LPP: variants seen among roughly 807,000 people sequenced by gnomAD.
LPP encodes the protein LIM domain containing preferred translocation partner in lipoma.
A neutral mutation model predicts 60.4 loss-of-function variants in LPP; 38 were observed. The observed-to-expected ratio is 0.63, with a 90% CI of 0.49 to 0.83. LPP has a LOEUF of 0.83. Ranked by LOEUF, LPP falls within the 40% of genes least tolerant of loss-of-function variation. LPP has a pLI of 0.00. For synonymous variants in LPP, 328 were observed against 290.8 expected, an observed-to-expected ratio of 1.13 and a Z score of -1.30; for missense variants, 902 against 783.6, an observed-to-expected ratio of 1.15 and a Z score of -1.80.
chr3:188,244,715 C>CCT (rs986286652), intron 2 of LPP, among the ~76,000 whole-genome samples: 1 of 151,716 alleles, frequency 6.6e-6, no homozygotes, highest in Non-Finnish European at 1.5e-5. Flanking sequence ...ATAATCTACC[C>CCT]CTCTCTCTCT....
intron 6 of LPP, among the ~76,000 whole-genome samples, chr3:188,552,898 G>A (rs55811267): frequency 6.6e-6 from 1 of 152,182 alleles, no homozygotes; most frequent in Non-Finnish European, 1.5e-5. Flanking sequence ...TCTTGGCGGG[G>A]TGGGGAGGGC....
chr3:188,251,160 G>A (rs1446891121), intron 2 of LPP, among the ~76,000 whole-genome samples: 1 of 143,322 alleles, frequency 7.0e-6, no homozygotes, highest in Non-Finnish European at 1.5e-5. Context: ...CAAGATTTCT[G>A]TTTCAATCTT....
chr3:188,186,480 C>T (rs1726631457), intron 1 of LPP, among the ~76,000 whole-genome samples: 1 of 152,150 alleles, frequency 6.6e-6, no homozygotes, highest in Non-Finnish European at 1.5e-5. Flanking sequence ...AAAAGAGTGA[C>T]ATCTTGTAAT....
chr3:188,597,508 C>T (rs1411767663), intron 6 of LPP, among the ~76,000 whole-genome samples: 3 of 152,060 alleles, frequency 2.0e-5, no homozygotes, highest in Non-Finnish European at 4.4e-5. Flanking sequence ...GGTTCTATTA[C>T]AGTAGTTGAT....
At chr3:188,747,203 A>G (rs144310714) in intron 8 of LPP, among the ~76,000 whole-genome samples, 13 of 152,266 alleles carry the variant, frequency 8.5e-5, no homozygotes, top group African/African-American at 3.1e-4. Flanking sequence ...AATGCTTTCC[A>G]TGCCTTTCTT....
Position 188,638,908 on chromosome 3 carries a change from A to C in LPP, c.1113+29064A>C, listed in dbSNP as rs1044450239. On this transcript the variant is annotated intron_variant, in intron 7 of 11. Transcript: ENST00000617246. ...AGAACATTCCATGCTCATGGATAAGAAGAATCAATATTGTGAAAATGGCCA... is the reference window on the plus strand; with the variant it reads ...AGAACATTCCATGCTCATGGATAAGCAGAATCAATATTGTGAAAATGGCCA... 2.8e-3 allele frequency among the ~76,000 whole-genome samples: 428 copies of C among 152,298 alleles called. 2 individuals carry two copies. Among genetic ancestry groups the C allele is most frequent in the African/African-American group, 9.5e-3 (396 of 41,552 alleles).
chr3:188,494,828 CT>C (rs1374279539), intron 5 of LPP, among the ~76,000 whole-genome samples: 1 of 151,800 alleles, frequency 6.6e-6, no homozygotes, highest in East Asian at 1.9e-4. Flanking sequence ...CACTTAAATC[CT>C]CTGTAAAATG....
At chr3:188,475,379 G>C (rs557758342) in intron 4 of LPP, among the ~76,000 whole-genome samples, 1 of 152,316 alleles carries the variant, frequency 6.6e-6, no homozygotes, top group African/African-American at 2.4e-5. Context: ...CGCTGGGTTT[G>C]AGTAGATTCT....
chr3:188,828,065 C>T (rs1174229782), intron 9 of LPP, among the ~76,000 whole-genome samples: 3 of 152,024 alleles, frequency 2.0e-5, no homozygotes, highest in African/African-American at 7.3e-5. Flanking sequence ...TATTATTGAG[C>T]ACATACTGTG....
At chr3:188,214,753 G>A (rs1712823070) in intron 1 of LPP, among the ~76,000 whole-genome samples, 1 of 152,136 alleles carries the variant, frequency 6.6e-6, no homozygotes, top group East Asian at 1.9e-4. Flanking sequence ...AAGAAGGAAA[G>A]CCTGGGGTGT....
At chr3:188,582,844 C>A (rs577429114) in intron 6 of LPP, among the ~76,000 whole-genome samples, 1 of 152,278 alleles carries the variant, frequency 6.6e-6, no homozygotes, top group East Asian at 1.9e-4. Flanking sequence ...CTCTCTTTCC[C>A]TTATTATCAA....
chr3:188,400,348 G>A (rs1279135318), intron 3 of LPP, among the ~76,000 whole-genome samples: 1 of 152,162 alleles, frequency 6.6e-6, no homozygotes, highest in Non-Finnish European at 1.5e-5. Flanking sequence ...ATATCCTTGA[G>A]CAAGTTATTC....
At chr3:188,392,884 C>T (rs1349004303) in intron 3 of LPP, among the ~76,000 whole-genome samples, 2 of 152,094 alleles carry the variant, frequency 1.3e-5, no homozygotes, top group African/African-American at 2.4e-5. Context: ...TGAAACATTC[C>T]GAAATGTTGA....
intron 4 of LPP, among the ~76,000 whole-genome samples, chr3:188,407,780 G>GTTTTTTTTTTTTTTTT (rs1268002703): frequency 4.2e-5 from 4 of 94,898 alleles, no homozygotes; most frequent in African/African-American, 4.2e-5. Flanking sequence ...TTTTTTTTTT[G>GTTTTTTTTTTTTTTTT]TTTGTTTGTT....
At chr3:188,218,519 C>T (rs1008812748) in intron 1 of LPP, among the ~76,000 whole-genome samples, 1 of 152,240 alleles carries the variant, frequency 6.6e-6, no homozygotes, top group Non-Finnish European at 1.5e-5. Flanking sequence ...GAGGCTTTCT[C>T]ATGCGCCCCT....
chr3:188,249,913 TC>T (rs1728542747), intron 2 of LPP, among the ~76,000 whole-genome samples: 2 of 141,722 alleles, frequency 1.4e-5, no homozygotes, highest in African/African-American at 2.7e-5. Flanking sequence ...TTTTTTTTTT[TC>T]CAGAAGTATT....
intron 6 of LPP, among the ~76,000 whole-genome samples, chr3:188,575,802 G>A (rs1834482804): frequency 6.6e-6 from 1 of 152,110 alleles, no homozygotes; most frequent in African/African-American, 2.4e-5. Flanking sequence ...GCTGAGAAAT[G>A]GGTTCTCACC....
At chr3:188,805,244 T>G (rs1243874052) in intron 9 of LPP, among the ~76,000 whole-genome samples, 1 of 152,072 alleles carries the variant, frequency 6.6e-6, no homozygotes, top group African/African-American at 2.4e-5. Flanking sequence ...TCTCTTATAT[T>G]CTGGAAGAAT....
Position 188,404,764 on chromosome 3 carries a change from G to T in LPP, c.-9-1348G>T, listed in dbSNP as rs996800302. 2.0e-5 allele frequency among the ~76,000 whole-genome samples: 3 copies of T among 152,292 alleles called. No homozygotes were observed. In the East Asian group the frequency reaches 5.8e-4, roughly 29 times the overall value. ...ACAGACATCTGGAGGTAATTGTGTAGCCCTCTTAATTAATTCAGTTCAATT... is the reference window on the plus strand; with the variant it reads ...ACAGACATCTGGAGGTAATTGTGTATCCCTCTTAATTAATTCAGTTCAATT... On this transcript the variant is annotated intron_variant, in intron 3 of 11. Coordinates refer to ENST00000617246, the MANE Select transcript of LPP (RefSeq NM_001375462.1).
Sources: allele counts gnomAD v4.1 joint callset (sites outside exome capture counted in the v4.1 genomes callset), GRCh38; gene constraint gnomAD v4.1.1; transcripts MANE v1.5; gene names NCBI Gene and HGNC (gene_info 2026-07-23, HGNC 2026-07-21).